Variants in WWOX observed in about 807,000 individuals in gnomAD.
The protein encoded by WWOX is WW domain-containing oxidoreductase.
Under a neutral mutation model 46.2 loss-of-function variants are expected in WWOX, and 69 were observed. The observed-to-expected ratio is 1.49, with a 90% CI of 1.23 to 1.82. The LOEUF (loss-of-function observed/expected upper bound fraction) is 1.82, where lower values mean the gene tolerates loss of function less well. Ranked by LOEUF, WWOX falls within the 40% of genes most tolerant of loss-of-function variation. WWOX has a pLI of 0.00. For missense variants in WWOX, 919 were observed against 542.6 expected (o/e 1.69, Z -6.89); for synonymous variants, 359 against 202.6 (o/e 1.77, Z -6.56).
chr16:78,875,421 G>A (rs994335505), intron 8 of WWOX, among the ~76,000 whole-genome samples: 2 of 152,120 alleles, frequency 1.3e-5, no homozygotes, highest in African/African-American at 4.8e-5. Flanking sequence ...ATTCTCGAGT[G>A]TCTGATCTGC....
chr16:78,973,607 G>A (rs2046514861), intron 8 of WWOX, among the ~76,000 whole-genome samples: 1 of 152,122 alleles, frequency 6.6e-6, no homozygotes, highest in Non-Finnish European at 1.5e-5. Context: ...CTCTCAAACT[G>A]TAGGAGGACC....
At chr16:78,407,023 G>T (rs1326418504) in intron 6 of WWOX, among the ~76,000 whole-genome samples, 1 of 152,136 alleles carries the variant, frequency 6.6e-6, no homozygotes, top group Non-Finnish European at 1.5e-5. Flanking sequence ...TGGCCTTGGT[G>T]GATTGCTGAA....
intron 8 of WWOX, among the ~76,000 whole-genome samples, chr16:78,539,399 A>C (rs2043834500): frequency 6.6e-6 from 1 of 152,216 alleles, no homozygotes; most frequent in Non-Finnish European, 1.5e-5. Flanking sequence ...TAGCCTTAGA[A>C]AACATACAGC....
At chr16:79,182,617 G>A (rs747353206) in intron 8 of WWOX, among the ~76,000 whole-genome samples, 43 of 152,136 alleles carry the variant, frequency 2.8e-4, no homozygotes, top group Non-Finnish European at 5.3e-4. Flanking sequence ...CCAAGATTCT[G>A]GAGTCAGAAG....
chr16:78,350,162 A>T (rs140801134), intron 5 of WWOX, among the ~76,000 whole-genome samples: 2 of 121,246 alleles, frequency 1.6e-5, no homozygotes, highest in East Asian at 1.9e-4. Context: ...CTCAATCCAC[A>T]ATCTCATCAG....
At chr16:78,501,702 A>G (rs1390625365) in intron 8 of WWOX, among the ~76,000 whole-genome samples, 1 of 152,020 alleles carries the variant, frequency 6.6e-6, no homozygotes, top group African/African-American at 2.4e-5. Context: ...ATGCTTGGGT[A>G]ATTTTTGTAC....
chr16:78,407,784 C>G (rs947220986), intron 6 of WWOX, among the ~76,000 whole-genome samples: 1 of 152,184 alleles, frequency 6.6e-6, no homozygotes, highest in Non-Finnish European at 1.5e-5. Flanking sequence ...AGCATTGATT[C>G]AAACGTATCC....
chr16:78,598,977 C>T (rs1303880122), intron 8 of WWOX, among the ~76,000 whole-genome samples: 1 of 152,198 alleles, frequency 6.6e-6, no homozygotes, highest in Non-Finnish European at 1.5e-5. Flanking sequence ...CTTAGGCAAC[C>T]AGTAAGTGGC....
At chr16:78,671,428 A>C (rs1236620057) in intron 8 of WWOX, among the ~76,000 whole-genome samples, 1 of 152,186 alleles carries the variant, frequency 6.6e-6, no homozygotes, top group Non-Finnish European at 1.5e-5. Flanking sequence ...GTGTCTCAAA[A>C]ATTAAAAAAT....
At chr16:78,992,569 T>G (rs1440810240) in intron 8 of WWOX, among the ~76,000 whole-genome samples, 1 of 152,062 alleles carries the variant, frequency 6.6e-6, no homozygotes, top group Non-Finnish European at 1.5e-5. Context: ...TCTGCGTAGG[T>G]TTTTATTTTT....
chr16:78,602,861 T>G (rs1477259146), intron 8 of WWOX, among the ~76,000 whole-genome samples: 1 of 152,138 alleles, frequency 6.6e-6, no homozygotes, highest in Non-Finnish European at 1.5e-5. Flanking sequence ...TTAGAGAAAT[T>G]GAGTAATTTT....
intron 8 of WWOX, among the ~76,000 whole-genome samples, chr16:78,595,450 C>G (rs77120199): frequency 1.3e-5 from 2 of 152,148 alleles, no homozygotes; most frequent in African/African-American, 4.8e-5. Flanking sequence ...CATACATTGA[C>G]CAAAGATCCG....
intron 8 of WWOX, among the ~76,000 whole-genome samples, chr16:78,740,962 G>A (rs1329054491): frequency 6.6e-6 from 1 of 152,134 alleles, no homozygotes; most frequent in Non-Finnish European, 1.5e-5. Context: ...GGAGAACTGT[G>A]CAAATACAAG....
intron 8 of WWOX, among the ~76,000 whole-genome samples, chr16:79,130,699 G>A (rs887880424): frequency 5.9e-5 from 9 of 152,240 alleles, no homozygotes; most frequent in Admixed American, 2.0e-4. Flanking sequence ...AGACCCTAAT[G>A]AAGTGCTGCG....
intron 8 of WWOX, among the ~76,000 whole-genome samples, chr16:78,613,619 T>A (rs1245274791): frequency 6.6e-6 from 1 of 152,194 alleles, no homozygotes; most frequent in Non-Finnish European, 1.5e-5. Flanking sequence ...CAAGATGCAA[T>A]CACCACTACT....
chr16:78,607,380 C>T (rs2045784963), intron 8 of WWOX, among the ~76,000 whole-genome samples: 1 of 152,086 alleles, frequency 6.6e-6, no homozygotes, highest in Non-Finnish European at 1.5e-5. Flanking sequence ...AGTCCAGAGA[C>T]GATGGAAGAG....
intron 5 of WWOX, among the ~76,000 whole-genome samples, chr16:78,329,080 T>G (rs2080700955): frequency 6.6e-6 from 1 of 152,140 alleles, no homozygotes. Flanking sequence ...AGGCTGGTCT[T>G]GGATTCCTGA....
In WWOX at chr16:78,422,776, T is replaced by TATATATATACACAC. The variant is rs1567563538; in HGVS notation, c.606-2092_606-2079dup. ...ATATATACACATATATATACACACA[T>TATATATATACACAC]ATATATATACACACACACATATATA... On this transcript the variant is annotated intron_variant, in intron 6 of 8. Transcript: ENST00000566780. Among the ~76,000 whole-genome samples the TATATATATACACAC allele has an allele frequency of 1.0e-3, 111 of 111,494 alleles. 8 individuals carry two copies. Among genetic ancestry groups the TATATATATACACAC allele is most frequent in the African/African-American group, 5.3e-3 (106 of 19,826 alleles). 73.1% of individuals were successfully genotyped at this position (111,494 alleles called of 152,430 possible).
chr16:78,774,247 A>G (rs2050133039), intron 8 of WWOX, among the ~76,000 whole-genome samples: 1 of 152,136 alleles, frequency 6.6e-6, no homozygotes, highest in Non-Finnish European at 1.5e-5. Context: ...CTCAAAATAC[A>G]AAAATTAGCT....
Sources: allele counts gnomAD v4.1 joint callset (sites outside exome capture counted in the v4.1 genomes callset), GRCh38; gene constraint gnomAD v4.1.1; transcripts MANE v1.5; gene names NCBI Gene and HGNC (gene_info 2026-07-23, HGNC 2026-07-21).